RORA: variants seen among roughly 807,000 people sequenced by gnomAD.
The protein encoded by RORA is nuclear receptor ROR-alpha.
A neutral mutation model predicts 69.5 loss-of-function variants in RORA; 7 were observed. The ratio of observed to expected loss-of-function variants is 0.10; its 90% CI spans 0.06 to 0.19. The LOEUF (loss-of-function observed/expected upper bound fraction) is 0.19. RORA is among the 10% of genes least tolerant of loss of function. The pLI is 1.00. For synonymous variants in RORA, 261 were observed against 240.8 expected (o/e 1.08, Z -0.78); for missense variants, 457 against 663.0 (o/e 0.69, Z 3.41).
chr15:60,619,977 C>T (rs560227181), intron 2 of RORA, among the ~76,000 whole-genome samples: 7 of 152,374 alleles, frequency 4.6e-5, no homozygotes, highest in African/African-American at 1.7e-4. Flanking sequence ...TCTCTGACGT[C>T]TTCCCCAGTC....
At chr15:60,946,415 G>A (rs553410878) in intron 1 of RORA, among the ~76,000 whole-genome samples, 3 of 152,194 alleles carry the variant, frequency 2.0e-5, no homozygotes, top group African/African-American at 7.2e-5. Flanking sequence ...TTGCAGGCGC[G>A]CGCCGCCACG....
intron 1 of RORA, among the ~76,000 whole-genome samples, chr15:60,932,407 A>T (rs1892399912): frequency 1.3e-5 from 2 of 152,224 alleles, no homozygotes; most frequent in African/African-American, 4.8e-5. Context: ...GCTTACTCAT[A>T]GTAGCTCATT....
chr15:60,895,706 G>C (rs1365967132), intron 1 of RORA, among the ~76,000 whole-genome samples: 2 of 152,170 alleles, frequency 1.3e-5, no homozygotes, highest in Non-Finnish European at 2.9e-5. Flanking sequence ...TACAGGCATG[G>C]AGTGCATGTT....
At chr15:60,952,507 G>C (rs1045061549) in intron 1 of RORA, among the ~76,000 whole-genome samples, 2 of 151,722 alleles carry the variant, frequency 1.3e-5, no homozygotes, top group African/African-American at 4.8e-5. Flanking sequence ...AATTGTCCCT[G>C]TTTGCAGATG....
chr15:60,677,371 T>A (rs1204415421), intron 2 of RORA: 1 of 375,102 alleles, frequency 2.7e-6, no homozygotes, highest in Non-Finnish European at 5.5e-6. Flanking sequence ...GGTCACAGAC[T>A]ACCCTGATGG....
chr15:61,077,012 G>C (rs1365469593), intron 1 of RORA, among the ~76,000 whole-genome samples: 1 of 152,006 alleles, frequency 6.6e-6, no homozygotes, highest in Non-Finnish European at 1.5e-5. Flanking sequence ...AATTCAGCAT[G>C]GAGAAGCAAG....
intron 1 of RORA, among the ~76,000 whole-genome samples, chr15:60,714,135 C>T (rs919368275): frequency 6.6e-6 from 1 of 151,986 alleles, no homozygotes; most frequent in African/African-American, 2.4e-5. Flanking sequence ...CTCACTGCAA[C>T]CTCCGCCTCC....
chr15:60,881,225 C>T (rs143967832), intron 1 of RORA, among the ~76,000 whole-genome samples: 1 of 152,340 alleles, frequency 6.6e-6, no homozygotes, highest in Non-Finnish European at 1.5e-5. Flanking sequence ...CCCCTATGGC[C>T]TCCTAAGCTG....
rs971980233 is a variant in RORA at position 60,488,834 on chromosome 15, C to T, written c.*8621G>A. 1.3e-5 allele frequency: 2 copies of T among 151,726 alleles called. No individual in the cohort carries two copies. Among genetic ancestry groups the T allele is most frequent in the Non-Finnish European group, 2.9e-5 (2 of 67,914 alleles). The allele number at this position is 151,726 out of a possible 1,614,324, so 9.4% of individuals were successfully genotyped here. A position where few individuals can be genotyped will look rare whatever the true frequency, so the allele number is the denominator to read the frequency against. ...AACAGAAGTTTGTGAAATTTGTGTG[C>T]TTAATCCTCAAGACCTACACACAAT... is the stretch of plus-strand genomic sequence containing the variant. On this transcript the variant is annotated 3_prime_UTR_variant, in exon 11 of 11. Coordinates refer to ENST00000335670, the MANE Select transcript of RORA (RefSeq NM_134261.3).
At chr15:61,215,217 G>T (rs1350009106) in intron 1 of RORA, among the ~76,000 whole-genome samples, 10 of 151,834 alleles carry the variant, frequency 6.6e-5, no homozygotes, top group Non-Finnish European at 1.3e-4. Context: ...GTCCCACTGG[G>T]AGCAGCCATG....
intron 2 of RORA, among the ~76,000 whole-genome samples, chr15:60,580,864 G>C (rs960927246): frequency 2.6e-5 from 4 of 152,176 alleles, no homozygotes; most frequent in African/African-American, 9.7e-5. Flanking sequence ...CCTACAAAGA[G>C]AGCTGTCAGT....
intron 1 of RORA, among the ~76,000 whole-genome samples, chr15:61,021,945 A>G (rs1436647601): frequency 6.6e-6 from 1 of 152,150 alleles, no homozygotes; most frequent in Non-Finnish European, 1.5e-5. Flanking sequence ...TATCACCTGG[A>G]TGGGCTTCAT....
In RORA at chr15:61,117,194, T is replaced by TTTA. The variant is rs762452270; in HGVS notation, c.166+111858_166+111859insTAA. Among the ~76,000 whole-genome samples the TTTA allele has an allele frequency of 2.7e-3, 411 of 150,896 alleles. 3 individuals carry two copies. The highest frequency in any genetic ancestry group is 9.5e-3 in the African/African-American group (390 of 40,970). On this transcript the variant is annotated intron_variant, in intron 1 of 10. Transcript: ENST00000335670. ...TAAAAGTTACTTTTTTTTTTTTTTT[T>TTTA]AACATAAACTGCCTCAGCCAACAAA...
At chr15:60,606,464 A>T (rs2140568041) in intron 2 of RORA, among the ~76,000 whole-genome samples, 1 of 152,268 alleles carries the variant, frequency 6.6e-6, no homozygotes, top group East Asian at 1.9e-4. Context: ...GTTTTTTTTA[A>T]ACCAAGATGT....
intron 2 of RORA, among the ~76,000 whole-genome samples, chr15:60,670,370 C>G (rs184859690): frequency 6.6e-6 from 1 of 152,178 alleles, no homozygotes; most frequent in Admixed American, 6.5e-5. Context: ...GTACCACACT[C>G]AGCTACTTTT....
chr15:60,979,993 A>T (rs1893994263), intron 1 of RORA, among the ~76,000 whole-genome samples: 1 of 152,218 alleles, frequency 6.6e-6, no homozygotes, highest in South Asian at 2.1e-4. Flanking sequence ...TTCACAGTTA[A>T]GTATGATGTT....
At chr15:60,937,989 T>C (rs1300868341) in intron 1 of RORA, among the ~76,000 whole-genome samples, 1 of 152,112 alleles carries the variant, frequency 6.6e-6, no homozygotes, top group Non-Finnish European at 1.5e-5. Flanking sequence ...TTATCTGCAA[T>C]TGCTGGTGAG....
At chr15:60,964,491 G>T (rs1893496563) in intron 1 of RORA, among the ~76,000 whole-genome samples, 1 of 152,154 alleles carries the variant, frequency 6.6e-6, no homozygotes, top group Non-Finnish European at 1.5e-5. Flanking sequence ...AGAGGGGAGA[G>T]GGTCATGCTA....
At chr15:60,618,679 C>G (rs1388139561) in intron 2 of RORA, among the ~76,000 whole-genome samples, 1 of 152,142 alleles carries the variant, frequency 6.6e-6, no homozygotes, top group Admixed American at 6.5e-5. Context: ...AATGTATTTT[C>G]TCATTTCAGG....
Sources: gnomAD v4.1 joint callset for allele counts (sites outside exome capture counted in the v4.1 genomes callset) on GRCh38, gnomAD v4.1.1 for gene constraint, MANE v1.5 for transcripts, NCBI Gene and HGNC (gene_info 2026-07-23, HGNC 2026-07-21) for gene names.